The following TMEM132C variants were observed in gnomAD, a reference collection of about 807,000 sequenced individuals.
The protein encoded by TMEM132C is transmembrane protein 132C.
Under a neutral mutation model 61.4 loss-of-function variants are expected in TMEM132C, and 29 were observed. The observed-to-expected ratio is 0.47, with a 90% CI of 0.35 to 0.64. The LOEUF is 0.64. Among genes scored for constraint, TMEM132C ranks in the 30% least tolerant of loss-of-function variants. The probability of loss-of-function intolerance (pLI) is 0.00; values close to 1 mark genes in which losing one functional copy is unlikely to be tolerated. For missense variants in TMEM132C, 1,408 were observed against 1,476.9 expected (o/e 0.95, Z 0.76); for synonymous variants, 656 against 633.1 (o/e 1.04, Z -0.54).
chr12:128,528,074 G>C (rs1311354503), intron 2 of TMEM132C, among the ~76,000 whole-genome samples: 1 of 152,208 alleles, frequency 6.6e-6, no homozygotes, highest in African/African-American at 2.4e-5. Flanking sequence ...GTCAGCTGTT[G>C]CTATCGTTGT....
At chr12:128,576,507 A>G (rs76886610) in intron 3 of TMEM132C, among the ~76,000 whole-genome samples, 4,233 of 152,292 alleles carry the variant, frequency 0.028, 165 homozygotes, top group African/African-American at 0.085. Context: ...CTTCCTTGGC[A>G]TGAGACTTTC....
intron 4 of TMEM132C, among the ~76,000 whole-genome samples, chr12:128,650,956 G>A (rs1353132480): frequency 2.0e-5 from 3 of 152,118 alleles, no homozygotes; most frequent in African/African-American, 4.8e-5. Flanking sequence ...ATCAGAAGGG[G>A]GTCAGAGGGT....
chr12:128,674,305 G>A (rs1188723803), intron 5 of TMEM132C, among the ~76,000 whole-genome samples: 2 of 152,120 alleles, frequency 1.3e-5, no homozygotes, highest in Admixed American at 6.6e-5. Flanking sequence ...CTTTTATTGC[G>A]GAATAGTATT....
At chr12:128,378,619 G>A (rs896956400) in intron 1 of TMEM132C, among the ~76,000 whole-genome samples, 1 of 152,112 alleles carries the variant, frequency 6.6e-6, no homozygotes, top group Admixed American at 6.5e-5. Context: ...CCTTGCTGGT[G>A]GAAGGAGCTG....
At chr12:128,629,321 C>T (rs538469980) in intron 4 of TMEM132C, among the ~76,000 whole-genome samples, 37 of 152,168 alleles carry the variant, frequency 2.4e-4, no homozygotes, top group Middle Eastern at 6.8e-3. Context: ...TAAAGACCAG[C>T]CTGGGCAATA....
chr12:128,348,066 A>T (rs954716243), intron 1 of TMEM132C, among the ~76,000 whole-genome samples: 3 of 152,228 alleles, frequency 2.0e-5, no homozygotes, highest in African/African-American at 7.2e-5. Context: ...CTTCCAGTCC[A>T]TGAACATGGG....
At chr12:128,572,233 T>A (rs1874914294) in intron 3 of TMEM132C, among the ~76,000 whole-genome samples, 1 of 146,094 alleles carries the variant, frequency 6.8e-6, no homozygotes, top group Non-Finnish European at 1.5e-5. Flanking sequence ...CAGGCCTGGG[T>A]CACAGGCCCA....
Position 128,705,666 on chromosome 12 carries a change from G to A in TMEM132C, c.2698G>A (p.Asp900Asn), listed in dbSNP as rs1244092128. Residue 900 changes from aspartate to asparagine, a missense_variant, in exon 9 of 9, where the codon GAC becomes AAC. Asp to Asn is a conservative substitution (Grantham distance 23). Transcript: ENST00000435159. ...IDFTNFPAHV[D>N]LPKAGSGLEE... is the part of the protein sequence containing the mutation. ...CTTCACCAACTTCCCTGCCCACGTG[G>A]ACCTCCCCAAGGCCGGGAGTGGGCT... The A allele has an allele frequency of 1.3e-6, 2 of 1,551,200 alleles. No individual in the cohort carries two copies. The highest frequency in any genetic ancestry group is 3.9e-5 in the Admixed American group (2 of 50,986).
chr12:128,583,459 G>T (rs1161693153), intron 3 of TMEM132C, among the ~76,000 whole-genome samples: 1 of 152,072 alleles, frequency 6.6e-6, no homozygotes, highest in African/African-American at 2.4e-5. Flanking sequence ...TGCTCTGCAG[G>T]TGGAAAAGAG....
intron 3 of TMEM132C, among the ~76,000 whole-genome samples, chr12:128,595,455 G>T (rs1875911185): frequency 6.6e-6 from 1 of 152,204 alleles, no homozygotes; most frequent in Non-Finnish European, 1.5e-5. Context: ...CATACCCGCT[G>T]TTCACTAAGG....
chr12:128,536,817 A>G (rs781265537), intron 2 of TMEM132C, among the ~76,000 whole-genome samples: 3 of 152,222 alleles, frequency 2.0e-5, no homozygotes, highest in Middle Eastern at 3.4e-3. Context: ...GACCTTGCAT[A>G]TGTCAACTGA....
intron 1 of TMEM132C, among the ~76,000 whole-genome samples, chr12:128,392,064 T>TCTCTCTCTCTCTCTCTC (rs1555222005): frequency 4.6e-5 from 6 of 130,534 alleles, no homozygotes; most frequent in African/African-American, 1.6e-4. Context: ...CTCTCTCTCT[T>TCTCTCTCTCTCTCTCTC]TCTCTCTCTC....
At chr12:128,478,768 A>T (rs1283443394) in intron 2 of TMEM132C, among the ~76,000 whole-genome samples, 1 of 152,224 alleles carries the variant, frequency 6.6e-6, no homozygotes, top group East Asian at 1.9e-4. Flanking sequence ...ACAAGGACTC[A>T]GACGCATCTG....
intron 2 of TMEM132C, among the ~76,000 whole-genome samples, chr12:128,528,449 G>T (rs1391990146): frequency 2.6e-5 from 4 of 152,178 alleles, no homozygotes; most frequent in African/African-American, 9.6e-5. Context: ...CAGCAGATGC[G>T]TGGACAGTGT....
At chr12:128,654,645 G>T (rs1017183241) in intron 4 of TMEM132C, among the ~76,000 whole-genome samples, 1 of 152,088 alleles carries the variant, frequency 6.6e-6, no homozygotes. Context: ...CAGGATCTCC[G>T]AGCTAACTAG....
At chr12:128,607,475 G>A (rs1876468379) in intron 3 of TMEM132C, among the ~76,000 whole-genome samples, 1 of 152,162 alleles carries the variant, frequency 6.6e-6, no homozygotes, top group Non-Finnish European at 1.5e-5. Context: ...GAAGTAGGGG[G>A]TTAGGGCCGA....
intron 3 of TMEM132C, among the ~76,000 whole-genome samples, chr12:128,561,405 G>A (rs7298970): frequency 2.2e-4 from 34 of 152,132 alleles, no homozygotes; most frequent in Non-Finnish European, 3.7e-4. Context: ...GCTTGAAAAC[G>A]GAAGAGTCTT....
rs1008712417 is a variant in TMEM132C, at chr12:128,278,589, G to A, written c.85+11102G>A. On this transcript the variant is annotated intron_variant, in intron 1 of 8. Transcript: ENST00000435159. The surrounding 1 kb of genome is among the most constrained non-coding windows in gnomAD (Gnocchi z 4.2). ...GTGTGGTTGCCTGTTAGTTCTGGGT[G>A]GGAAGGGGTCCCCTCTACCATTCAC... Among the ~76,000 whole-genome samples, 2 of 152,248 alleles carry A rather than the reference G, an allele frequency of 1.3e-5. No individual in the cohort carries two copies. The highest frequency in any genetic ancestry group is 2.1e-4 in the South Asian group (1 of 4,814).
intron 1 of TMEM132C, among the ~76,000 whole-genome samples, chr12:128,281,728 A>T (rs1777358352): frequency 6.6e-6 from 1 of 151,832 alleles, no homozygotes; most frequent in Admixed American, 6.6e-5. Flanking sequence ...TTTGTTCCCC[A>T]CTCGCTCCTT....
Sources: allele counts gnomAD v4.1 joint callset (sites outside exome capture counted in the v4.1 genomes callset), GRCh38; gene constraint gnomAD v4.1.1; non-coding constraint Gnocchi (gnomAD v3.1); transcripts MANE v1.5; gene names NCBI Gene and HGNC (gene_info 2026-07-23, HGNC 2026-07-21).